ATP6V0C: variants seen among roughly 807,000 people sequenced by gnomAD.
ATP6V0C encodes ATPase H+ transporting V0 subunit c, also known as V-type proton ATPase 16 kDa proteolipid subunit c.
A neutral mutation model predicts 10.6 loss-of-function variants in ATP6V0C; 2 were observed. The ratio of observed to expected loss-of-function variants is 0.19; its 90% CI spans 0.08 to 0.59. The LOEUF is 0.59. Among genes scored for constraint, ATP6V0C ranks in the 20% least tolerant of loss-of-function variants. The pLI is 0.90. For synonymous variants in ATP6V0C, 128 were observed against 101.3 expected (o/e 1.26, Z -1.59); for missense variants, 89 against 225.9 (o/e 0.39, Z 3.88).
chr16:2,516,450 C>A (rs2065877615), intron 1 of ATP6V0C, among the ~76,000 whole-genome samples: 2 of 152,194 alleles, frequency 1.3e-5, no homozygotes, highest in Admixed American at 6.5e-5. Flanking sequence ...AGCATGCTTT[C>A]CTCCAGGACC....
chr16:2,514,658 C>T (rs1395540573), intron 1 of ATP6V0C, among the ~76,000 whole-genome samples: 2 of 152,138 alleles, frequency 1.3e-5, no homozygotes, highest in African/African-American at 2.4e-5. Flanking sequence ...TGGTGGGGAG[C>T]CCATGTCCCC....
rs1413685030 is a variant in ATP6V0C, at chr16:2,517,087, C to T, written c.80-2131C>T. ...GAGTTCCCTGTATTCAGTCTCCTGC[C>T]AACGTGTCTGCCATGCTCTGGTCTC... On this transcript the variant is annotated intron_variant, in intron 1 of 2. Coordinates refer to ENST00000330398, the MANE Select transcript of ATP6V0C (RefSeq NM_001694.4). The T allele has an allele frequency of 2.6e-5, 4 of 152,496 alleles. No homozygotes were observed. The East Asian group carries it at 7.7e-4, about 29-fold the overall frequency. The allele number at this position is 152,496 out of a possible 1,614,324, so 9.4% of individuals were successfully genotyped here. A position where few individuals can be genotyped will look rare whatever the true frequency, so the allele number is the denominator to read the frequency against.
chr16:2,515,960 A>T (rs1393188814), intron 1 of ATP6V0C, among the ~76,000 whole-genome samples: 1 of 152,156 alleles, frequency 6.6e-6, no homozygotes, highest in Non-Finnish European at 1.5e-5. Flanking sequence ...CCTGACCAGC[A>T]GGTGTCTGGA....
rs2065905111 is a variant in ATP6V0C at position 2,520,182 on chromosome 16, T to C, written c.*437T>C. The C allele has an allele frequency of 5.9e-6, 3 of 505,514 alleles. No homozygotes were observed. In the Admixed American group the frequency reaches 9.2e-5, roughly 15 times the overall value. The allele number at this position is 505,514 out of a possible 1,614,324, so 31.3% of individuals were successfully genotyped here. A position where few individuals can be genotyped will look rare whatever the true frequency, so the allele number is the denominator to read the frequency against. On this transcript the variant is annotated 3_prime_UTR_variant, in exon 3 of 3. Transcript: ENST00000330398. ...GCCCTCACCGCCGGGCCCGTGGCCCTGCGCGGAGCTGTGTCCAATAAAGTT... is the reference window on the plus strand; with the variant it reads ...GCCCTCACCGCCGGGCCCGTGGCCCCGCGCGGAGCTGTGTCCAATAAAGTT...
chr16:2,520,040 AT>A lies in ATP6V0C; in HGVS notation c.*296del, dbSNP rs2065903210. 3.1e-6 allele frequency: 2 copies of A among 650,824 alleles called. No individual in the cohort carries two copies. The highest frequency in any genetic ancestry group is 5.6e-6 in the Non-Finnish European group (2 of 354,070). 40.3% of individuals were successfully genotyped at this position (650,824 alleles called of 1,614,324 possible). A position where few individuals can be genotyped will look rare whatever the true frequency, so the allele number is the denominator to read the frequency against. ...ATTTCTCTTTACTGGATGTTTATTT[AT>A]AAAGATCTGGCCTGTTCCTGCGTCT... On this transcript the variant is annotated 3_prime_UTR_variant, in exon 3 of 3. Coordinates refer to ENST00000330398, the MANE Select transcript of ATP6V0C (RefSeq NM_001694.4).
rs2065902604 is a variant in ATP6V0C at position 2,519,995 on chromosome 16, G to C, written c.*250G>C. ...CCACCCCCTAGAGTGCTCTGTGTAT[G>C]CGGATGATTTAGAATTGTCATTTCT... On this transcript the variant is annotated 3_prime_UTR_variant, in exon 3 of 3. Coordinates refer to ENST00000330398, the MANE Select transcript of ATP6V0C (RefSeq NM_001694.4). The C allele has an allele frequency of 1.4e-6, 1 of 694,154 alleles. No individual in the cohort carries two copies. The highest frequency in any genetic ancestry group is 1.8e-5 in the African/African-American group (1 of 56,528). 43.0% of individuals were successfully genotyped at this position (694,154 alleles called of 1,614,324 possible). A position where few individuals can be genotyped will look rare whatever the true frequency, so the allele number is the denominator to read the frequency against.
intron 1 of ATP6V0C, among the ~76,000 whole-genome samples, chr16:2,514,836 C>G (rs1232895895): frequency 1.3e-5 from 2 of 152,094 alleles, no homozygotes; most frequent in African/African-American, 4.8e-5. Context: ...TCGGAGAGCC[C>G]GCGGAGACCC....
At chr16:2,513,846 A>C, upstream of ATP6V0C, 1 of 329,346 alleles carries the variant, frequency 3.0e-6, no homozygotes, top group East Asian at 6.0e-5. Flanking sequence ...GGGGAGGTCA[A>C]CGGGCCGGCC....
intron 1 of ATP6V0C, among the ~76,000 whole-genome samples, chr16:2,516,140 TC>T (rs1474122795): frequency 8.3e-5 from 12 of 144,352 alleles, no homozygotes; most frequent in Non-Finnish European, 1.4e-4. Flanking sequence ...CAAGACAGGG[TC>T]TTGCTCTGTT....
In ATP6V0C at chr16:2,519,914, C is replaced by CCCCCCCT; in HGVS notation, c.*169_*170insCCCCCCT. Reference sequence around the variant, plus strand: ...CTGTTTCCCCGGCCTTGCCCCCGCCCGCCCCGTGCCGTGGACATCTGGGCC... The same window carrying CCCCCCCT: ...CTGTTTCCCCGGCCTTGCCCCCGCCCCCCCCCTGCCCCGTGCCGTGGACATCTGGGCC... On this transcript the variant is annotated 3_prime_UTR_variant, in exon 3 of 3. Coordinates refer to ENST00000330398, the MANE Select transcript of ATP6V0C (RefSeq NM_001694.4). 1 of 983,454 alleles carries CCCCCCCT rather than the reference C, an allele frequency of 1.0e-6. No individual in the cohort carries two copies. The allele number at this position is 983,454 out of a possible 1,614,324, so 60.9% of individuals were successfully genotyped here.
chr16:2,515,921 C>G (rs189558738), intron 1 of ATP6V0C, among the ~76,000 whole-genome samples: 1 of 152,042 alleles, frequency 6.6e-6, no homozygotes, highest in Non-Finnish European at 1.5e-5. Flanking sequence ...CCTCTCTCTC[C>G]GTCAAGACCT....
In ATP6V0C at chr16:2,519,795, C is replaced by T. The variant is rs1804139; in HGVS notation, c.*50C>T. The T allele has an allele frequency of 5.7e-6, 9 of 1,580,538 alleles. No homozygotes were observed. The highest frequency in any genetic ancestry group is 2.7e-5 in the African/African-American group (2 of 73,912). ...AGAATATTATGTAAAGACCACCCCT[C>T]CTCATTCCAGAACGAACAGCCTGAC... On this transcript the variant is annotated 3_prime_UTR_variant, in exon 3 of 3. Coordinates refer to ENST00000330398, the MANE Select transcript of ATP6V0C (RefSeq NM_001694.4).
Position 2,520,162 on chromosome 16 carries a change from C to T in ATP6V0C, c.*417C>T. ...GAGACTTCCTGGATGGAGCCGCCCT[C>T]ACCGCCGGGCCCGTGGCCCTGCGCG... On this transcript the variant is annotated 3_prime_UTR_variant, in exon 3 of 3. Transcript: ENST00000330398. 3.8e-6 allele frequency: 2 copies of T among 531,176 alleles called. No individual in the cohort carries two copies. The highest frequency in any genetic ancestry group is 7.0e-6 in the Non-Finnish European group (2 of 286,106). 32.9% of individuals were successfully genotyped at this position (531,176 alleles called of 1,614,324 possible).
rs1436749305 is a variant in ATP6V0C at position 2,519,529 on chromosome 16, T to C, written c.264-12T>C. ...CAGGCTGCTGATGTCAGTCCTCTCTTCTCGCCCCCAGGAGCTTCCTCCAGC... is the reference window on the plus strand; with the variant it reads ...CAGGCTGCTGATGTCAGTCCTCTCTCCTCGCCCCCAGGAGCTTCCTCCAGC... On this transcript the variant is annotated splice_polypyrimidine_tract_variant and intron_variant, in intron 2 of 2. Transcript: ENST00000330398. The C allele has an allele frequency of 7.8e-6, 12 of 1,544,212 alleles. No homozygotes were observed. The highest frequency in any genetic ancestry group is 1.1e-5 in the Non-Finnish European group (12 of 1,142,662).
intron 1 of ATP6V0C, chr16:2,516,651 T>A (rs1448683130): frequency 1.3e-5 from 2 of 152,458 alleles, no homozygotes; most frequent in Non-Finnish European, 2.9e-5. Context: ...CCCCTTTTTT[T>A]TCTCATGACA....
At position 2,519,831 on chromosome 16, in the gene ATP6V0C, G is replaced by C; in HGVS notation, c.*86G>C. 1 of 1,520,656 alleles carries C rather than the reference G, an allele frequency of 6.6e-7. No individual in the cohort carries two copies. The highest frequency in any genetic ancestry group is 2.3e-5 in the East Asian group (1 of 44,018). The allele number at this position is 1,520,656 out of a possible 1,614,324, so 94.2% of individuals were successfully genotyped here. A position where few individuals can be genotyped will look rare whatever the true frequency, so the allele number is the denominator to read the frequency against. On this transcript the variant is annotated 3_prime_UTR_variant, in exon 3 of 3. Transcript: ENST00000330398. ...AACGAACAGCCTGACACATACGCAC[G>C]GGGCCGCCGCCCCCAGTAGTTGGTC...
rs2065902516 is a variant in ATP6V0C, at chr16:2,519,986, T to C, written c.*241T>C. 1 of 696,508 alleles carries C rather than the reference T, an allele frequency of 1.4e-6. No individual in the cohort carries two copies. The highest frequency in any genetic ancestry group is 2.6e-6 in the Non-Finnish European group (1 of 384,740). 43.1% of individuals were successfully genotyped at this position (696,508 alleles called of 1,614,324 possible). A position where few individuals can be genotyped will look rare whatever the true frequency, so the allele number is the denominator to read the frequency against. On this transcript the variant is annotated 3_prime_UTR_variant, in exon 3 of 3. Coordinates refer to ENST00000330398, the MANE Select transcript of ATP6V0C (RefSeq NM_001694.4). ...CCCGGCGCCCCACCCCCTAGAGTGC[T>C]CTGTGTATGCGGATGATTTAGAATT...
chr16:2,519,444 C>A lies in ATP6V0C; in HGVS notation c.263+43C>A, dbSNP rs538440664. The A allele has an allele frequency of 3.9e-5, 61 of 1,582,336 alleles. 1 individual carries two copies. The South Asian group carries it at 5.7e-4, about 15-fold the overall frequency. On this transcript the variant is annotated intron_variant, in intron 2 of 2. Transcript: ENST00000330398. ...GCCCCTGCCCAGGGCTGGAGGACTG[C>A]AGGGAGGGGGGCGGTTCACCTGTGG... is the stretch of plus-strand genomic sequence containing the variant.
At position 2,519,584 on chromosome 16, in the gene ATP6V0C, G is replaced by A. The variant is rs754740949; in HGVS notation, c.307G>A (p.Gly103Ser). ...LGAGLSVGLS[G>S]LAAGFAIGIV... The stretch of plus-strand genomic sequence containing the variant: ...CGCCGGCCTGAGCGTGGGCCTGAGC[G>A]GCCTGGCAGCCGGCTTTGCCATCGG... The change falls in exon 3 of 3, where the codon GGC (glycine) becomes AGC (serine). Residue 103 changes from glycine to serine, a missense_variant. Gly to Ser is a moderately conservative substitution (Grantham distance 56). Transcript: ENST00000330398. 1.3e-6 allele frequency: 2 copies of A among 1,582,200 alleles called. No homozygotes were observed. Among genetic ancestry groups the A allele is most frequent in the Non-Finnish European group, 1.7e-6 (2 of 1,159,842 alleles).
Sources: gnomAD v4.1 joint callset for allele counts (sites outside exome capture counted in the v4.1 genomes callset) on GRCh38, gnomAD v4.1.1 for gene constraint, MANE v1.5 for transcripts, NCBI Gene and HGNC (gene_info 2026-07-23, HGNC 2026-07-21) for gene names.